The following PDE4B variants were observed in gnomAD, a reference collection of about 807,000 sequenced individuals.
PDE4B encodes the protein phosphodiesterase 4B.
Under a neutral mutation model 82.2 loss-of-function variants are expected in PDE4B, and 20 were observed. The observed-to-expected ratio is 0.24, with a 90% CI of 0.17 to 0.35. The LOEUF is 0.35. PDE4B is among the 10% of genes least tolerant of loss of function. PDE4B has a pLI of 1.00. For missense variants in PDE4B, 655 were observed against 907.2 expected, an observed-to-expected ratio of 0.72 and a Z score of 3.57; for synonymous variants, 320 against 318.9, an observed-to-expected ratio of 1.00 and a Z score of -0.04.
At chr1:66,078,197 C>A (rs1369081861) in intron 3 of PDE4B, among the ~76,000 whole-genome samples, 1 of 149,554 alleles carries the variant, frequency 6.7e-6, no homozygotes, top group African/African-American at 2.5e-5. Context: ...CTCTTTCTTT[C>A]TTTCTTTTTT....
At chr1:66,345,620 C>A (rs986251234) in intron 8 of PDE4B, among the ~76,000 whole-genome samples, 5 of 152,278 alleles carry the variant, frequency 3.3e-5, no homozygotes, top group African/African-American at 1.2e-4. Context: ...ATTTTTTGAT[C>A]AATTGCATGA....
chr1:66,228,625 T>C (rs1651667966), intron 3 of PDE4B, among the ~76,000 whole-genome samples: 1 of 131,328 alleles, frequency 7.6e-6, no homozygotes. Context: ...CAAGACTCCG[T>C]TAAAAAAAAA....
At chr1:65,837,577 C>T (rs904278745) in intron 1 of PDE4B, among the ~76,000 whole-genome samples, 6 of 152,190 alleles carry the variant, frequency 3.9e-5, no homozygotes, top group Admixed American at 3.9e-4. Flanking sequence ...CACTGCTCTT[C>T]AGCCTGGACG....
At chr1:65,932,593 C>T (rs528391643) in intron 3 of PDE4B, among the ~76,000 whole-genome samples, 166 of 151,922 alleles carry the variant, frequency 1.1e-3, no homozygotes, top group African/African-American at 3.9e-3. Flanking sequence ...GGATTCCAAA[C>T]AAAGGAACAA....
intron 7 of PDE4B, among the ~76,000 whole-genome samples, chr1:66,328,187 A>G (rs1188284141): frequency 6.6e-6 from 1 of 152,226 alleles, no homozygotes; most frequent in Admixed American, 6.5e-5. Flanking sequence ...AGTCAAATGC[A>G]ATACCCAGCA....
intron 3 of PDE4B, among the ~76,000 whole-genome samples, chr1:65,922,987 T>G (rs1000504971): frequency 6.6e-6 from 1 of 152,134 alleles, no homozygotes; most frequent in Non-Finnish European, 1.5e-5. Context: ...CACTGCCCTT[T>G]TGAGTATTCC....
chr1:66,043,228 T>C (rs761299009), intron 3 of PDE4B, among the ~76,000 whole-genome samples: 8 of 151,808 alleles, frequency 5.3e-5, no homozygotes, highest in Non-Finnish European at 1.0e-4. Flanking sequence ...AATACCTCTT[T>C]GAATTTTTGA....
intron 3 of PDE4B, among the ~76,000 whole-genome samples, chr1:66,213,201 G>A (rs979105647): frequency 6.6e-6 from 1 of 152,116 alleles, no homozygotes; most frequent in Non-Finnish European, 1.5e-5. Flanking sequence ...ATATTACAGT[G>A]GCATAATGTG....
chr1:65,956,781 G>A (rs1252080240), intron 3 of PDE4B, among the ~76,000 whole-genome samples: 1 of 152,090 alleles, frequency 6.6e-6, no homozygotes, highest in Non-Finnish European at 1.5e-5. Flanking sequence ...ACAGTCATTG[G>A]TGTGATTGCT....
At chr1:66,100,573 GT>G (rs773315996) in intron 3 of PDE4B, among the ~76,000 whole-genome samples, 2 of 152,084 alleles carry the variant, frequency 1.3e-5, no homozygotes, top group Non-Finnish European at 2.9e-5. Context: ...AGCCTGAATT[GT>G]CTGTAGCTTG....
chr1:66,008,368 C>T (rs1212041980), intron 3 of PDE4B, among the ~76,000 whole-genome samples: 2 of 151,986 alleles, frequency 1.3e-5, no homozygotes, highest in African/African-American at 2.4e-5. Flanking sequence ...TTGATTGTGC[C>T]CATTTCCTGC....
chr1:66,282,042 T>C (rs1656336777), intron 7 of PDE4B, among the ~76,000 whole-genome samples: 1 of 152,206 alleles, frequency 6.6e-6, no homozygotes, highest in Admixed American at 6.5e-5. Context: ...GTGCATGTGA[T>C]GCCCACACAG....
chr1:65,933,037 A>G (rs1647924257), intron 3 of PDE4B, among the ~76,000 whole-genome samples: 1 of 152,214 alleles, frequency 6.6e-6, no homozygotes, highest in Non-Finnish European at 1.5e-5. Context: ...AAACATATTC[A>G]AAGAAATAAT....
intron 7 of PDE4B, among the ~76,000 whole-genome samples, chr1:66,290,933 A>G (rs1657027532): frequency 6.6e-6 from 1 of 152,110 alleles, no homozygotes; most frequent in African/African-American, 2.4e-5. Flanking sequence ...TCAATTCTGG[A>G]AGAGGTCCAA....
chr1:66,030,589 A>G (rs1177894655), intron 3 of PDE4B, among the ~76,000 whole-genome samples: 1 of 152,144 alleles, frequency 6.6e-6, no homozygotes, highest in East Asian at 1.9e-4. Context: ...TCAATCTACT[A>G]TTTGACTCAG....
At chr1:66,302,268 C>G (rs1180932287) in intron 7 of PDE4B, among the ~76,000 whole-genome samples, 1 of 152,120 alleles carries the variant, frequency 6.6e-6, no homozygotes, top group African/African-American at 2.4e-5. Flanking sequence ...AAGACTCTTC[C>G]CTGCACTAAT....
At chr1:66,287,117 G>T (rs1175267362) in intron 7 of PDE4B, among the ~76,000 whole-genome samples, 1 of 152,124 alleles carries the variant, frequency 6.6e-6, no homozygotes, top group Non-Finnish European at 1.5e-5. Flanking sequence ...ATTTAAATGT[G>T]ACACATTTAC....
At chr1:66,081,832 CTG>C (rs1242686089) in intron 3 of PDE4B, among the ~76,000 whole-genome samples, 12,133 of 124,784 alleles carry the variant, frequency 0.097, 477 homozygotes, top group Admixed American at 0.17. Context: ...CTCTCTCTCT[CTG>C]TGTGTGTGTG....
chr1:66,309,858 A>AATG (rs1658544165), intron 7 of PDE4B, among the ~76,000 whole-genome samples: 1 of 152,212 alleles, frequency 6.6e-6, no homozygotes, highest in South Asian at 2.1e-4. Flanking sequence ...TGATAATAGC[A>AATG]ATAATAATAG....
Sources: gnomAD v4.1 joint callset for allele counts (sites outside exome capture counted in the v4.1 genomes callset) on GRCh38, gnomAD v4.1.1 for gene constraint, MANE v1.5 for transcripts, NCBI Gene and HGNC (gene_info 2026-07-23, HGNC 2026-07-21) for gene names.